The following CAST variants were observed in gnomAD, a reference collection of about 807,000 sequenced individuals.
CAST encodes the protein calpastatin, also known as MIR583 host.
A neutral mutation model predicts 119.6 loss-of-function variants in CAST; 76 were observed. That is an observed-to-expected ratio of 0.64 (90% CI 0.53 to 0.77). The LOEUF (loss-of-function observed/expected upper bound fraction) is 0.77, where lower values mean the gene tolerates loss of function less well. Ranked by LOEUF, CAST falls within the 30% of genes least tolerant of loss-of-function variation. The pLI, the probability that CAST is intolerant of heterozygous loss-of-function variation, is 0.00. For synonymous variants in CAST, 319 were observed against 331.6 expected, an observed-to-expected ratio of 0.96 and a Z score of 0.41; for missense variants, 953 against 946.5, an observed-to-expected ratio of 1.01 and a Z score of -0.09.
At chr5:96,632,969 GT>G (rs1747841505) in intron 1 of CAST, among the ~76,000 whole-genome samples, 1 of 152,062 alleles carries the variant, frequency 6.6e-6, no homozygotes, top group South Asian at 2.1e-4. Context: ...AAAGTTTTTG[GT>G]TTGTTTTGTT....
chr5:96,101,391 A>C, the CAST span, among the ~76,000 whole-genome samples: 260 of 152,348 alleles, frequency 1.7e-3, no homozygotes, highest in Middle Eastern at 6.8e-3. Flanking sequence ...GTGCTCAATA[A>C]GTATAAGCCT....
chr5:96,461,427 T>G, the CAST span, among the ~76,000 whole-genome samples: 1 of 152,130 alleles, frequency 6.6e-6, no homozygotes, highest in Non-Finnish European at 1.5e-5. Flanking sequence ...TTTGAGGAAT[T>G]TTCTAGAACT....
chr5:96,394,734 C>A, the CAST span: 1 of 803,666 alleles, frequency 1.2e-6, no homozygotes, highest in Non-Finnish European at 2.2e-6. Flanking sequence ...GAATAGTTTA[C>A]CACTATCACT....
the CAST span, among the ~76,000 whole-genome samples, chr5:96,031,087 C>T: frequency 2.6e-5 from 4 of 152,012 alleles, no homozygotes; most frequent in Admixed American, 6.6e-5. Flanking sequence ...TGAAAACTTA[C>T]GTATCATGTG....
chr5:96,669,477 A>C (rs192364737), intron 1 of CAST, among the ~76,000 whole-genome samples: 1 of 152,332 alleles, frequency 6.6e-6, no homozygotes, highest in Admixed American at 6.5e-5. Context: ...ATCTAGGAAA[A>C]AAAGGATATA....
chr5:96,572,159 G>T (rs1746580407), intron 1 of CAST, among the ~76,000 whole-genome samples: 1 of 151,872 alleles, frequency 6.6e-6, no homozygotes, highest in Non-Finnish European at 1.5e-5. Flanking sequence ...ATAGGTTGCA[G>T]AACTAGGATT....
chr5:96,507,887 C>T, the CAST span, among the ~76,000 whole-genome samples: 101 of 152,232 alleles, frequency 6.6e-4, 3 homozygotes, highest in East Asian at 0.017. Flanking sequence ...GGTGCCAATT[C>T]ATTTCACAAA....
intron 1 of CAST, among the ~76,000 whole-genome samples, chr5:96,627,601 T>G (rs1413231650): frequency 6.6e-6 from 1 of 152,234 alleles, no homozygotes; most frequent in Non-Finnish European, 1.5e-5. Context: ...TAAAAAACTG[T>G]GTTGTTCCAA....
the CAST span, among the ~76,000 whole-genome samples, chr5:96,130,655 A>T: frequency 6.6e-5 from 10 of 152,108 alleles, no homozygotes; most frequent in African/African-American, 2.4e-5. Flanking sequence ...CACATAAAAG[A>T]TTACTAATTC....
At chr5:96,402,177 T>G in the CAST span, among the ~76,000 whole-genome samples, 1 of 152,174 alleles carries the variant, frequency 6.6e-6, no homozygotes, top group African/African-American at 2.4e-5. Flanking sequence ...TGGACATTCC[T>G]AAACACTGAA....
chr5:95,999,435 A>G, the CAST span, among the ~76,000 whole-genome samples: 1 of 152,108 alleles, frequency 6.6e-6, no homozygotes, highest in South Asian at 2.1e-4. Context: ...CTGCAACCTC[A>G]AACTCCCAGG....
the CAST span, among the ~76,000 whole-genome samples, chr5:96,106,795 G>A: frequency 1.5e-4 from 23 of 148,928 alleles, no homozygotes; most frequent in East Asian, 3.0e-3. Context: ...TTTCTGTCTC[G>A]TTGATCTGTC....
chr5:96,041,086 G>T, the CAST span, among the ~76,000 whole-genome samples: 1 of 152,066 alleles, frequency 6.6e-6, no homozygotes, highest in African/African-American at 2.4e-5. Context: ...ACGTCTTCCT[G>T]GTTTAGTCTT....
At chr5:96,182,078 T>C in the CAST span, among the ~76,000 whole-genome samples, 1 of 152,244 alleles carries the variant, frequency 6.6e-6, no homozygotes. Context: ...TCATATTTAG[T>C]ATGTATCTTT....
At chr5:96,203,050 C>A in the CAST span, among the ~76,000 whole-genome samples, 1 of 152,000 alleles carries the variant, frequency 6.6e-6, no homozygotes, top group South Asian at 2.1e-4. Flanking sequence ...ACCTTAGCAT[C>A]TTTGTGTGTG....
chr5:96,662,554 A>G (rs1220855904), intron 1 of CAST, 57 bp downstream of exon 1: 10 of 1,327,442 alleles, frequency 7.5e-6, no homozygotes, highest in Middle Eastern at 2.8e-4. Context: ...CGGGTCCCGG[A>G]GCTGTGGCCG....
chr5:96,284,777 G>A, the CAST span, among the ~76,000 whole-genome samples: 1 of 152,148 alleles, frequency 6.6e-6, no homozygotes, highest in Admixed American at 6.5e-5. Flanking sequence ...ATATAGGAAA[G>A]TGATTAAAGA....
chr5:96,602,836 G>A (rs1285557999), intron 1 of CAST, among the ~76,000 whole-genome samples: 1 of 152,178 alleles, frequency 6.6e-6, no homozygotes, highest in African/African-American at 2.4e-5. Context: ...GCCTTTCTGA[G>A]AAAGAGGCAT....
chr5:96,301,946 C>G, the CAST span, among the ~76,000 whole-genome samples: 1 of 152,170 alleles, frequency 6.6e-6, no homozygotes, highest in South Asian at 2.1e-4. Context: ...AGTGGGGACT[C>G]TATGTGGGCG....
Sources: allele counts gnomAD v4.1 joint callset (sites outside exome capture counted in the v4.1 genomes callset), GRCh38; gene constraint gnomAD v4.1.1; transcripts MANE v1.5; gene names NCBI Gene and HGNC (gene_info 2026-07-23, HGNC 2026-07-21).